Variants in KLHL20 observed in about 807,000 individuals in gnomAD.
The protein encoded by KLHL20 is kelch-like protein 20.
Under a neutral mutation model 69.5 loss-of-function variants are expected in KLHL20, and 29 were observed. That is an observed-to-expected ratio of 0.42 (90% confidence interval 0.31 to 0.57). KLHL20 has a LOEUF of 0.57. Among genes scored for constraint, KLHL20 ranks in the 20% least tolerant of loss-of-function variants. KLHL20 has a pLI of 0.18. For synonymous variants in KLHL20, 253 were observed against 265.2 expected, an observed-to-expected ratio of 0.95 and a Z score of 0.45; for missense variants, 419 against 776.0, an observed-to-expected ratio of 0.54 and a Z score of 5.47.
intron 3 of KLHL20, among the ~76,000 whole-genome samples, chr1:173,741,297 T>C (rs906061440): frequency 6.6e-6 from 1 of 152,180 alleles, no homozygotes; most frequent in Non-Finnish European, 1.5e-5. Context: ...GTCTGTCCAA[T>C]TGGGGGCTGC....
chr1:173,759,627 A>G (rs910274832), intron 7 of KLHL20, among the ~76,000 whole-genome samples: 3 of 152,152 alleles, frequency 2.0e-5, no homozygotes, highest in African/African-American at 7.2e-5. Flanking sequence ...AGAGACAGCA[A>G]TCACTGCAAT....
At chr1:173,732,302 C>A (rs1370213025) in intron 2 of KLHL20, among the ~76,000 whole-genome samples, 2 of 151,738 alleles carry the variant, frequency 1.3e-5, no homozygotes, top group Non-Finnish European at 2.9e-5. Context: ...CTTAGTGAGA[C>A]CCTCATCTCA....
chr1:173,715,873 G>A (rs1304848962), intron 1 of KLHL20, 130 bp from the exon 2 acceptor site: 1 of 604,212 alleles, frequency 1.7e-6, no homozygotes, highest in Non-Finnish European at 2.9e-6. Flanking sequence ...TGCATCTGCA[G>A]AAGGCCTGTG....
At chr1:173,775,539 T>C in intron 9 of KLHL20, 95 bp from the exon 10 acceptor site, 2 of 1,001,780 alleles carry the variant, frequency 2.0e-6, no homozygotes, top group Non-Finnish European at 3.0e-6. Context: ...GTGTTGAAAA[T>C]ATGTGTTATC....
chr1:173,729,921 G>C (rs1420403095), intron 2 of KLHL20, among the ~76,000 whole-genome samples: 3 of 152,156 alleles, frequency 2.0e-5, no homozygotes, highest in Admixed American at 2.0e-4. Flanking sequence ...AAAAGAGGAA[G>C]TCAAATTGTC....
rs944100743 is a variant in KLHL20 at position 173,782,313 on chromosome 1, G to A, written c.1745+83G>A. The A allele has an allele frequency of 7.1e-6, 7 of 987,470 alleles. No individual in the cohort carries two copies. The Admixed American group carries it at 1.1e-4, about 15-fold the overall frequency. The allele number at this position is 987,470 out of a possible 1,614,324, so 61.2% of individuals were successfully genotyped here. On this transcript the variant is annotated intron_variant, in intron 11 of 11. Transcript: ENST00000209884. ...GAAATAGCCTATGACCATCAGAACT[G>A]GGATGGTCAGTACATTGGAGTACTT... is the stretch of plus-strand genomic sequence containing the variant.
intron 7 of KLHL20, among the ~76,000 whole-genome samples, chr1:173,760,090 T>C (rs1210569104): frequency 2.0e-5 from 3 of 152,014 alleles, no homozygotes; most frequent in South Asian, 2.1e-4. Context: ...AAAGTCTCAG[T>C]AATAGATATG....
At chr1:173,733,584 C>T (rs1672382880) in intron 2 of KLHL20, 129 bp from the exon 3 acceptor site, 2 of 830,340 alleles carry the variant, frequency 2.4e-6, no homozygotes, top group Non-Finnish European at 3.7e-6. Context: ...ATCATCTCTA[C>T]AAAAAATTTA....
At chr1:173,756,815 A>G (rs567988112) in intron 6 of KLHL20, among the ~76,000 whole-genome samples, 161 bp from the exon 7 acceptor site, 9 of 152,366 alleles carry the variant, frequency 5.9e-5, no homozygotes, top group African/African-American at 1.9e-4. Flanking sequence ...TAAAGATTAT[A>G]GCAATCCCAG....
chr1:173,753,279 C>A lies in KLHL20; in HGVS notation c.823C>A (p.Pro275Thr), dbSNP rs1333892987. ...CCTGGTCGGCACAGTAGGCTCTGAT[C>A]CCCTCATCAAAAGTGATGAAGAATG... Reference protein sequence around the residue: ...KFLVGTVGSDPLIKSDEECRD... With the variant: ...KFLVGTVGSDTLIKSDEECRD... The change falls in exon 5 of 12, where the codon CCC (proline) becomes ACC (threonine). Residue 275 changes from proline (P) to threonine (T), a missense_variant. By Grantham distance (38) the Pro-to-Thr change is conservative. Coordinates refer to ENST00000209884, the MANE Select transcript of KLHL20 (RefSeq NM_014458.4). The A allele has an allele frequency of 1.2e-6, 2 of 1,613,932 alleles. No individual in the cohort carries two copies. The highest frequency in any genetic ancestry group is 2.2e-5 in the South Asian group (2 of 91,074).
At chr1:173,721,133 G>A (rs1225009830) in intron 2 of KLHL20, among the ~76,000 whole-genome samples, 1 of 152,114 alleles carries the variant, frequency 6.6e-6, no homozygotes, top group African/African-American at 2.4e-5. Flanking sequence ...TCTAAAATGA[G>A]TAAGAAGCTT....
chr1:173,765,145 A>C (rs1189580975), intron 7 of KLHL20, among the ~76,000 whole-genome samples: 1 of 151,836 alleles, frequency 6.6e-6, no homozygotes, highest in Non-Finnish European at 1.5e-5. Flanking sequence ...AAACAAACAA[A>C]AATCAACGAA....
intron 7 of KLHL20, among the ~76,000 whole-genome samples, chr1:173,761,994 A>T (rs1047223672): frequency 6.6e-6 from 1 of 152,224 alleles, no homozygotes; most frequent in Non-Finnish European, 1.5e-5. Flanking sequence ...AACCAAGAAA[A>T]GGAGAGAAAA....
intron 8 of KLHL20, among the ~76,000 whole-genome samples, chr1:173,771,131 T>C (rs753580274): frequency 6.6e-6 from 1 of 152,238 alleles, no homozygotes. Context: ...CTTGAGAAAC[T>C]GACTTTGAAG....
intron 8 of KLHL20, among the ~76,000 whole-genome samples, chr1:173,770,693 G>A (rs1302258473): frequency 1.4e-5 from 2 of 139,866 alleles, no homozygotes; most frequent in Non-Finnish European, 1.5e-5. Flanking sequence ...AAAAAAAAAA[G>A]AGAGAGGAAA....
At chr1:173,730,897 G>T (rs1431597496) in intron 2 of KLHL20, among the ~76,000 whole-genome samples, 1 of 152,184 alleles carries the variant, frequency 6.6e-6, no homozygotes, top group Non-Finnish European at 1.5e-5. Context: ...AAGAGCTTCT[G>T]CACAGCAAAA....
intron 3 of KLHL20, chr1:173,741,805 C>A: frequency 6.4e-7 from 1 of 1,564,282 alleles, no homozygotes; most frequent in Non-Finnish European, 8.7e-7. Context: ...TATAAAATCA[C>A]CATGGTCTTT....
At chr1:173,721,667 G>A (rs1671722292) in intron 2 of KLHL20, among the ~76,000 whole-genome samples, 1 of 152,228 alleles carries the variant, frequency 6.6e-6, no homozygotes, top group Admixed American at 6.5e-5. Flanking sequence ...AAGCCGTGAT[G>A]AGATGTCTTG....
In KLHL20 at chr1:173,785,261, A is replaced by G; in HGVS notation, c.*14A>G. 6.3e-7 allele frequency: 1 copy of G among 1,581,912 alleles called. No individual in the cohort carries two copies. Among genetic ancestry groups the G allele is most frequent in the Non-Finnish European group, 8.6e-7 (1 of 1,157,110 alleles). On this transcript the variant is annotated 3_prime_UTR_variant, in exon 12 of 12. Transcript: ENST00000209884. ...CATATTTGGTGAACACAGAGAAGACAGTCTTGTATATATTCCTCTGTATTC... is the reference window on the plus strand; with the variant it reads ...CATATTTGGTGAACACAGAGAAGACGGTCTTGTATATATTCCTCTGTATTC...
Sources: allele counts gnomAD v4.1 joint callset (sites outside exome capture counted in the v4.1 genomes callset), GRCh38; gene constraint gnomAD v4.1.1; transcripts MANE v1.5; gene names NCBI Gene and HGNC (gene_info 2026-07-23, HGNC 2026-07-21).